GIPC2: variants seen among roughly 807,000 people sequenced by gnomAD.
GIPC2 encodes PDZ domain-containing protein GIPC2.
Under a neutral mutation model 30.6 loss-of-function variants are expected in GIPC2, and 30 were observed. The observed-to-expected ratio is 0.98, with a 90% confidence interval of 0.73 to 1.33. The LOEUF is 1.33. Ranked by LOEUF, GIPC2 falls within the 40% of genes most tolerant of loss-of-function variation. The pLI is 0.00. For missense variants in GIPC2, 414 were observed against 390.3 expected (o/e 1.06, Z -0.51); for synonymous variants, 167 against 150.0 (o/e 1.11, Z -0.83).
chr1:78,109,972 G>A (rs146541282), intron 3 of GIPC2, among the ~76,000 whole-genome samples: 4,207 of 152,040 alleles, frequency 0.028, 138 homozygotes, highest in African/African-American at 0.08. Context: ...TCACTCGTAG[G>A]TGGGAATTGA....
intron 1 of GIPC2, among the ~76,000 whole-genome samples, chr1:78,067,720 G>A (rs1258492069): frequency 6.6e-6 from 1 of 152,088 alleles, no homozygotes; most frequent in African/African-American, 2.4e-5. Context: ...CAAAGTGCTG[G>A]GATTATAGGC....
intron 1 of GIPC2, among the ~76,000 whole-genome samples, chr1:78,054,801 A>T (rs372076611): frequency 2.7e-4 from 41 of 152,190 alleles, no homozygotes; most frequent in African/African-American, 8.0e-4. Flanking sequence ...GAAATGGATA[A>T]GACTGCTGTT....
chr1:78,066,549 A>C (rs573703580), intron 1 of GIPC2, among the ~76,000 whole-genome samples: 3 of 152,202 alleles, frequency 2.0e-5, no homozygotes, highest in Non-Finnish European at 4.4e-5. Flanking sequence ...TACCCAAAGG[A>C]ATATAGATCA....
chr1:78,075,654 C>T (rs184763127), intron 1 of GIPC2, among the ~76,000 whole-genome samples: 19 of 152,344 alleles, frequency 1.2e-4, no homozygotes, highest in South Asian at 1.2e-3. Flanking sequence ...AAGGGACTGT[C>T]TCTTTCTGTG....
chr1:78,092,744 G>A (rs1009814049), intron 2 of GIPC2: 1 of 152,198 alleles, frequency 6.6e-6, no homozygotes, highest in African/African-American at 2.4e-5. Context: ...ATTTTCCTGT[G>A]TCTTCATTCC....
At chr1:78,077,202 T>A (rs1388898647) in intron 1 of GIPC2, among the ~76,000 whole-genome samples, 2 of 152,218 alleles carry the variant, frequency 1.3e-5, no homozygotes, top group East Asian at 3.8e-4. Context: ...GGTAAATACA[T>A]GCTGGATCTT....
At chr1:78,091,210 TA>T in intron 2 of GIPC2, among the ~76,000 whole-genome samples, 1 of 152,358 alleles carries the variant, frequency 6.6e-6, no homozygotes, top group East Asian at 1.9e-4. Flanking sequence ...AATGGAATGA[TA>T]AATATCCTTT....
intron 1 of GIPC2, among the ~76,000 whole-genome samples, chr1:78,067,415 G>T (rs1238010110): frequency 1.3e-5 from 2 of 152,062 alleles, no homozygotes; most frequent in East Asian, 1.9e-4. Flanking sequence ...AAAGATGCTG[G>T]ATGACACTTA....
intron 3 of GIPC2, among the ~76,000 whole-genome samples, chr1:78,109,071 TATC>T (rs1662415012): frequency 6.6e-6 from 1 of 152,174 alleles, no homozygotes; most frequent in Admixed American, 6.5e-5. Context: ...ATCATTTAGG[TATC>T]ATCATATTAA....
intron 2 of GIPC2, among the ~76,000 whole-genome samples, chr1:78,090,668 A>G (rs1204579768): frequency 6.6e-6 from 1 of 152,222 alleles, no homozygotes. Context: ...ATGATTTGCC[A>G]TACTTTTGCT....
At chr1:78,047,449 G>C (rs545211461) in intron 1 of GIPC2, among the ~76,000 whole-genome samples, 2 of 152,220 alleles carry the variant, frequency 1.3e-5, no homozygotes, top group South Asian at 4.1e-4. Context: ...AGGCACTAAG[G>C]GGCAAATCGC....
chr1:78,121,939 G>A (rs771605959), intron 4 of GIPC2, among the ~76,000 whole-genome samples: 5 of 152,188 alleles, frequency 3.3e-5, no homozygotes, highest in Non-Finnish European at 7.3e-5. Context: ...GAGGCTGTGA[G>A]GAAAAATGAG....
intron 1 of GIPC2, among the ~76,000 whole-genome samples, chr1:78,054,199 G>A (rs1238014894): frequency 6.6e-6 from 1 of 152,112 alleles, no homozygotes; most frequent in Non-Finnish European, 1.5e-5. Context: ...CAGAAATCTG[G>A]ATACCTGCTA....
At chr1:78,091,895 G>A in intron 2 of GIPC2, 3 of 792,418 alleles carry the variant, frequency 3.8e-6, no homozygotes, top group Non-Finnish European at 4.6e-6. Context: ...TGATTCTGAA[G>A]CTACAACATT....
At chr1:78,066,844 G>A (rs1661521654) in intron 1 of GIPC2, among the ~76,000 whole-genome samples, 1 of 152,154 alleles carries the variant, frequency 6.6e-6, no homozygotes. Flanking sequence ...AGAATGCATG[G>A]ACACATAGAA....
At chr1:78,078,922 G>A (rs1488976801) in intron 1 of GIPC2, among the ~76,000 whole-genome samples, 1 of 151,354 alleles carries the variant, frequency 6.6e-6, no homozygotes, top group Non-Finnish European at 1.5e-5. Context: ...GTGAAGGAGA[G>A]TCAGAAAAGC....
Position 78,135,794 on chromosome 1 carries a change from T to G in GIPC2, c.*51T>G, listed in dbSNP as rs1287433408. On this transcript the variant is annotated 3_prime_UTR_variant, in exon 6 of 6. Coordinates refer to ENST00000370759, the MANE Select transcript of GIPC2 (RefSeq NM_017655.6). ...CAACCCATCGTTCTTTTTTTTCTCT[T>G]TTTTAAAAAGTCCTATAAGATCTGT... 1 of 1,509,246 alleles carries G rather than the reference T, an allele frequency of 6.6e-7. No individual in the cohort carries two copies. Among genetic ancestry groups the G allele is most frequent in the East Asian group, 2.3e-5 (1 of 43,494 alleles). The allele number at this position is 1,509,246 out of a possible 1,614,324, so 93.5% of individuals were successfully genotyped here. A position where few individuals can be genotyped will look rare whatever the true frequency, so the allele number is the denominator to read the frequency against.
intron 2 of GIPC2, among the ~76,000 whole-genome samples, chr1:78,087,917 A>T (rs1004026503): frequency 3.3e-5 from 5 of 152,178 alleles, no homozygotes; most frequent in African/African-American, 1.2e-4. Flanking sequence ...GAAAAAAAAG[A>T]CAACTCCATT....
intron 1 of GIPC2, among the ~76,000 whole-genome samples, chr1:78,048,432 T>C (rs927906788): frequency 1.3e-4 from 19 of 146,978 alleles, no homozygotes; most frequent in Non-Finnish European, 2.4e-4. Flanking sequence ...TTTTCTTTTC[T>C]TTTTTTTTTA....
Sources: gnomAD v4.1 joint callset for allele counts (sites outside exome capture counted in the v4.1 genomes callset) on GRCh38, gnomAD v4.1.1 for gene constraint, MANE v1.5 for transcripts, NCBI Gene and HGNC (gene_info 2026-07-23, HGNC 2026-07-21) for gene names.